The following ILRUN variants were observed in gnomAD, a reference collection of about 807,000 sequenced individuals.
ILRUN encodes the protein inflammation and lipid regulator with UBA-like and NBR1-like domains.
ILRUN carries 3 observed loss-of-function variants against 33.8 expected under a neutral mutation model. The ratio of observed to expected loss-of-function variants is 0.09; its 90% CI spans 0.04 to 0.23. ILRUN has a LOEUF of 0.23. Ranked by LOEUF, ILRUN falls within the 10% of genes least tolerant of loss-of-function variation. The pLI is 1.00. For synonymous variants in ILRUN, 124 were observed against 138.9 expected (o/e 0.89, Z 0.75); for missense variants, 210 against 375.1 (o/e 0.56, Z 3.64).
rs547962651 is a variant in ILRUN at position 34,663,080 on chromosome 6, T to C, written c.159-8301A>G. Among the ~76,000 whole-genome samples, 302 of 151,354 alleles carry C rather than the reference T, an allele frequency of 2.0e-3. 5 individuals carry two copies. The highest frequency in any genetic ancestry group is 1.0e-3 in the Non-Finnish European group (71 of 67,824). On this transcript the variant is annotated intron_variant, in intron 1 of 4. Transcript: ENST00000374023. Reference sequence around the variant, plus strand: ...CCCTACACGAGCCTGGATGACAGAGTGAGATCCTGTCTCAAAAAAAAAGAG... The same window carrying C: ...CCCTACACGAGCCTGGATGACAGAGCGAGATCCTGTCTCAAAAAAAAAGAG...
intron 2 of ILRUN, among the ~76,000 whole-genome samples, chr6:34,652,158 A>G (rs1762683966): frequency 6.6e-6 from 1 of 152,226 alleles, no homozygotes; most frequent in Non-Finnish European, 1.5e-5. Context: ...GATGAATAAA[A>G]GCTATTATAA....
At chr6:34,628,183 G>C (rs1280478790) in intron 3 of ILRUN, among the ~76,000 whole-genome samples, 1 of 150,946 alleles carries the variant, frequency 6.6e-6, no homozygotes, top group African/African-American at 2.4e-5. Flanking sequence ...ACTGTGCCCC[G>C]CTAATTTTTG....
At chr6:34,685,247 A>C (rs541419839) in intron 1 of ILRUN, 1 of 152,366 alleles carries the variant, frequency 6.6e-6, no homozygotes, top group Non-Finnish European at 1.5e-5. Context: ...AAGATAACTC[A>C]GTTCAAGTCT....
chr6:34,624,023 G>C (rs1036795917), intron 3 of ILRUN, among the ~76,000 whole-genome samples: 43 of 152,198 alleles, frequency 2.8e-4, no homozygotes, highest in Non-Finnish European at 5.6e-4. Context: ...GTAGAGACAG[G>C]GTTTCACCAT....
chr6:34,677,947 CAAAAAAAAAA>C (rs200840957), intron 1 of ILRUN, among the ~76,000 whole-genome samples: 53 of 74,354 alleles, frequency 7.1e-4, no homozygotes, highest in African/African-American at 2.1e-3. Flanking sequence ...ATCCTGCCTC[CAAAAAAAAAA>C]AAAAAAAAAA....
intron 1 of ILRUN, among the ~76,000 whole-genome samples, chr6:34,681,311 A>G (rs1313286926): frequency 1.3e-5 from 2 of 152,180 alleles, no homozygotes; most frequent in Non-Finnish European, 2.9e-5. Context: ...AAACCTCAAT[A>G]CATAGTGGGG....
At chr6:34,656,389 C>G (rs538778540) in intron 1 of ILRUN, among the ~76,000 whole-genome samples, 3 of 152,156 alleles carry the variant, frequency 2.0e-5, no homozygotes, top group Non-Finnish European at 4.4e-5. Context: ...AGCAGAAGCG[C>G]GTGATTGTCA....
intron 2 of ILRUN, among the ~76,000 whole-genome samples, chr6:34,650,589 C>A (rs1385429319): frequency 6.6e-6 from 1 of 151,876 alleles, no homozygotes; most frequent in African/African-American, 2.4e-5. Flanking sequence ...TGCCACCATG[C>A]CTGGCTAATT....
chr6:34,682,021 C>CTTTCTTT (rs1377020252), intron 1 of ILRUN, among the ~76,000 whole-genome samples: 1 of 130,018 alleles, frequency 7.7e-6, no homozygotes, highest in Non-Finnish European at 1.6e-5. Flanking sequence ...CCCACTAATT[C>CTTTCTTT]TTATATTTTT....
chr6:34,661,244 G>A (rs550050204), intron 1 of ILRUN, among the ~76,000 whole-genome samples: 7 of 152,230 alleles, frequency 4.6e-5, no homozygotes, highest in African/African-American at 1.7e-4. Context: ...GAATATCCTT[G>A]TTTTTAAAAA....
intron 2 of ILRUN, among the ~76,000 whole-genome samples, chr6:34,651,824 G>A (rs1478369749): frequency 1.5e-5 from 2 of 136,696 alleles, no homozygotes; most frequent in Non-Finnish European, 3.0e-5. Context: ...ATGGAGTCTG[G>A]CTCTGTTGCC....
intron 1 of ILRUN, among the ~76,000 whole-genome samples, chr6:34,690,401 C>T (rs1228114987): frequency 6.6e-6 from 1 of 151,972 alleles, no homozygotes; most frequent in Non-Finnish European, 1.5e-5. Flanking sequence ...GCAGAGGTTG[C>T]AGTGAGCCAA....
chr6:34,602,873 T>G (rs888581522), intron 4 of ILRUN, among the ~76,000 whole-genome samples: 7 of 152,176 alleles, frequency 4.6e-5, no homozygotes, highest in African/African-American at 1.4e-4. Context: ...AGCACTGAGT[T>G]CAGGGAGCTT....
intron 3 of ILRUN, among the ~76,000 whole-genome samples, chr6:34,615,889 G>C (rs547399397): frequency 6.6e-6 from 1 of 152,130 alleles, no homozygotes; most frequent in African/African-American, 2.4e-5. Flanking sequence ...CTGTACAACC[G>C]AACCACCATC....
At chr6:34,615,193 A>G (rs1761857720) in intron 3 of ILRUN, among the ~76,000 whole-genome samples, 1 of 152,244 alleles carries the variant, frequency 6.6e-6, no homozygotes, top group African/African-American at 2.4e-5. Flanking sequence ...AACTGGGTAT[A>G]TAAGAACTCT....
At chr6:34,651,041 G>C (rs1479374058) in intron 2 of ILRUN, among the ~76,000 whole-genome samples, 1 of 152,148 alleles carries the variant, frequency 6.6e-6, no homozygotes, top group Non-Finnish European at 1.5e-5. Context: ...ACTCAGGCCA[G>C]ATTAGGATGA....
At chr6:34,611,711 A>G (rs1761758102) in intron 3 of ILRUN, among the ~76,000 whole-genome samples, 1 of 152,222 alleles carries the variant, frequency 6.6e-6, no homozygotes, top group South Asian at 2.1e-4. Flanking sequence ...TAATAAAACC[A>G]CAAGTGGAAG....
At chr6:34,624,292 T>G (rs1364291624) in intron 3 of ILRUN, among the ~76,000 whole-genome samples, 1 of 152,178 alleles carries the variant, frequency 6.6e-6, no homozygotes, top group Admixed American at 6.5e-5. Flanking sequence ...AGTCAAATTC[T>G]AGACTACCAA....
intron 3 of ILRUN, among the ~76,000 whole-genome samples, chr6:34,612,412 C>CA (rs1407005295): frequency 1.3e-5 from 2 of 151,810 alleles, no homozygotes; most frequent in East Asian, 3.9e-4. Flanking sequence ...GACCCTGTCT[C>CA]AAAAAATAAT....
Sources: allele counts gnomAD v4.1 joint callset (sites outside exome capture counted in the v4.1 genomes callset), GRCh38; gene constraint gnomAD v4.1.1; transcripts MANE v1.5; gene names NCBI Gene and HGNC (gene_info 2026-07-23, HGNC 2026-07-21).